Variants in LZTS3 observed in about 807,000 individuals in gnomAD.
The protein encoded by LZTS3 is leucine zipper tumor suppressor family member 3.
A neutral mutation model predicts 50.9 loss-of-function variants in LZTS3; 16 were observed. The observed-to-expected ratio is 0.31, with a 90% confidence interval of 0.21 to 0.48. The LOEUF is 0.48. LZTS3 is among the 20% of genes least tolerant of loss of function. The pLI is 0.99. For synonymous variants in LZTS3, 408 were observed against 410.6 expected (o/e 0.99, Z 0.08); for missense variants, 816 against 931.0 (o/e 0.88, Z 1.61).
chr20:3,167,146 C>T lies in LZTS3; in HGVS notation c.18G>A (p.Thr6=), dbSNP rs774445702. Residue 6 remains threonine (T), a synonymous_variant, in exon 3 of 5, where the codon ACG becomes ACA. Coordinates refer to ENST00000337576, the MANE Select transcript of LZTS3 (RefSeq NM_001365618.1). The part of the protein sequence containing the change: MAKLE[T]LPVRADPGRD... ...GCCCTGGGTCAGCGCGCACAGGCAG[C>T]GTCTCCAGCTTCGCCATGACTAAGC... 18 of 1,484,614 alleles carry T rather than the reference C, an allele frequency of 1.2e-5. No homozygotes were observed. Among genetic ancestry groups the T allele is most frequent in the African/African-American group, 7.0e-5 (5 of 71,628 alleles). 92.0% of individuals were successfully genotyped at this position (1,484,614 alleles called of 1,614,324 possible).
intron 1 of LZTS3, among the ~76,000 whole-genome samples, chr20:3,170,486 C>CAAAAAAAAAAAAAAAAAAAA: frequency 1.4e-5 from 1 of 72,586 alleles, no homozygotes; most frequent in Non-Finnish European, 2.4e-5. Context: ...GAGACTACAT[C>CAAAAAAAAAAAAAAAAAAAA]AAAAAAAAAA....
chr20:3,164,863 C>T lies in LZTS3; in HGVS notation c.1613G>A (p.Ser538Asn). ...CTGACGGCGCATCTTAGCCTCGTCG[C>T]TCTCGCAGGTGGCCAGAGCATCCTG... is the stretch of plus-strand genomic sequence containing the variant. ...EPQDALATCE[S>N]DEAKMRRQAG... Residue 538 changes from serine (S) to asparagine (N), a missense_variant, in exon 5 of 5, where the codon AGC becomes AAC. By Grantham distance (46) the Ser-to-Asn change is conservative. This residue lies in a region of LZTS3 where 700 missense variants were observed against 769.4 expected (regional missense o/e 0.91). Transcript: ENST00000337576. 6.4e-7 allele frequency: 1 copy of T among 1,557,250 alleles called. No individual in the cohort carries two copies. Among genetic ancestry groups the T allele is most frequent in the Non-Finnish European group, 8.6e-7 (1 of 1,157,672 alleles).
chr20:3,167,562 T>C, intron 2 of LZTS3, 176 bp downstream of exon 2: 1 of 1,013,126 alleles, frequency 9.9e-7, no homozygotes, highest in Non-Finnish European at 1.2e-6. Flanking sequence ...AATTTTGGGG[T>C]TCTTTATCTT....
chr20:3,172,802 C>T (rs2066915402), intron 1 of LZTS3, among the ~76,000 whole-genome samples: 1 of 152,270 alleles, frequency 6.6e-6, no homozygotes, highest in South Asian at 2.1e-4. Flanking sequence ...TTCCAGGAAG[C>T]AGGACTGAGG....
chr20:3,172,930 G>A (rs1320278999), intron 1 of LZTS3, among the ~76,000 whole-genome samples: 3 of 152,198 alleles, frequency 2.0e-5, no homozygotes, highest in East Asian at 1.9e-4. Flanking sequence ...CACTGGCAGC[G>A]GAATGGGCCC....
At chr20:3,172,455 C>A (rs1465533940) in intron 1 of LZTS3, among the ~76,000 whole-genome samples, 4 of 152,222 alleles carry the variant, frequency 2.6e-5, no homozygotes, top group African/African-American at 9.7e-5. Flanking sequence ...TCTACCCTGA[C>A]CTGAGCCCCT....
At chr20:3,172,356 G>A (rs1476556303) in intron 1 of LZTS3, among the ~76,000 whole-genome samples, 1 of 152,206 alleles carries the variant, frequency 6.6e-6, no homozygotes, top group African/African-American at 2.4e-5. Context: ...TGTATGATGG[G>A]TGAAATGCCT....
At position 3,167,055 on chromosome 20, in the gene LZTS3, T is replaced by C. The variant is rs931758687; in HGVS notation, c.109A>G (p.Met37Val). The C allele has an allele frequency of 1.3e-6, 2 of 1,566,720 alleles. No individual in the cohort carries two copies. Among genetic ancestry groups the C allele is most frequent in the Admixed American group, 3.5e-5 (2 of 56,976 alleles). ...GCCACCCCACTGCCCACGCTGCCCATGGCCAGGCGGGGGTCCGGGGGTCCA... is the reference window on the plus strand; with the variant it reads ...GCCACCCCACTGCCCACGCTGCCCACGGCCAGGCGGGGGTCCGGGGGTCCA... ...ELGPPDPRLA[M>V]GSVGSGVAHA... Residue 37 changes from methionine (M) to valine (V), a missense_variant, in exon 3 of 5, where the codon ATG becomes GTG. Coordinates refer to ENST00000337576, the MANE Select transcript of LZTS3 (RefSeq NM_001365618.1).
Position 3,167,179 on chromosome 20 carries a change from G to T in LZTS3, c.-16C>A. ...GCTTCGCCATGACTAAGCCAGGGGGGCACTGTGGGCACAGGTGGGAAGGCA... is the reference window on the plus strand; with the variant it reads ...GCTTCGCCATGACTAAGCCAGGGGGTCACTGTGGGCACAGGTGGGAAGGCA... On this transcript the variant is annotated splice_region_variant and 5_prime_UTR_variant, in exon 3 of 5. Coordinates refer to ENST00000337576, the MANE Select transcript of LZTS3 (RefSeq NM_001365618.1). The T allele has an allele frequency of 1.4e-6, 2 of 1,454,262 alleles. No individual in the cohort carries two copies. Among genetic ancestry groups the T allele is most frequent in the Non-Finnish European group, 1.8e-6 (2 of 1,108,394 alleles). 90.1% of individuals were successfully genotyped at this position (1,454,262 alleles called of 1,614,324 possible). A position where few individuals can be genotyped will look rare whatever the true frequency, so the allele number is the denominator to read the frequency against.
chr20:3,166,301 G>A lies in LZTS3; in HGVS notation c.519C>T (p.His173=), dbSNP rs773111799. ...AFKPVVPKNF[H]SMQNLCPPQT... Reference sequence around the variant, plus strand: ...GCGGGGGGCACAAATTCTGCATGGAGTGGAAATTCTTGGGTACGACAGGCT... The same window carrying A: ...GCGGGGGGCACAAATTCTGCATGGAATGGAAATTCTTGGGTACGACAGGCT... Residue 173 remains histidine, a synonymous_variant, in exon 4 of 5, where the codon CAC becomes CAT. Coordinates refer to ENST00000337576, the MANE Select transcript of LZTS3 (RefSeq NM_001365618.1). 6.2e-6 allele frequency: 10 copies of A among 1,614,096 alleles called. No individual in the cohort carries two copies. In the East Asian group the frequency reaches 2.0e-4, roughly 32 times the overall value.
At position 3,165,660 on chromosome 20, in the gene LZTS3, T is replaced by C; in HGVS notation, c.1160A>G (p.Gln387Arg). The change falls in exon 4 of 5, where the codon CAG becomes CGG. Residue 387 changes from glutamine (Q) to arginine (R), a missense_variant. This residue lies in a region of LZTS3 where 700 missense variants were observed against 769.4 expected (regional missense o/e 0.91). Coordinates refer to ENST00000337576, the MANE Select transcript of LZTS3 (RefSeq NM_001365618.1). This position sits in a 1 kb window ranked among gnomAD's most constrained non-coding sequence, Gnocchi z 5.0. ...QVARRAQRAQ[Q>R]GLQLQVLRLQ... The stretch of plus-strand genomic sequence containing the variant: ...CCGCAACACCTGCAGCTGTAGGCCC[T>C]GCTGGGCGCGCTGGGCACGTCGGGC... The C allele has an allele frequency of 6.3e-7, 1 of 1,591,534 alleles. No homozygotes were observed. Among genetic ancestry groups the C allele is most frequent in the Non-Finnish European group, 8.5e-7 (1 of 1,175,990 alleles).
Position 3,166,228 on chromosome 20 carries a change from C to T in LZTS3, c.592G>A (p.Gly198Ser), listed in dbSNP as rs1275374803. Residue 198 changes from glycine to serine, a missense_variant, in exon 4 of 5, where the codon GGC becomes AGC. By Grantham distance (56) the Gly-to-Ser change is moderately conservative. Coordinates refer to ENST00000337576, the MANE Select transcript of LZTS3 (RefSeq NM_001365618.1). ...ATGGTCCGAGACTTGTCCAGTCCGC[C>T]TTTGAGGCCACCAGGGCCCTGCCGT... ...EGRQGPGGLKGGLDKSRTMTP... is the reference protein window; with the variant it reads ...EGRQGPGGLKSGLDKSRTMTP... 2.5e-6 allele frequency: 4 copies of T among 1,613,840 alleles called. No homozygotes were observed. The highest frequency in any genetic ancestry group is 3.4e-6 in the Non-Finnish European group (4 of 1,179,880).
At chr20:3,167,452 C>A (rs2066846899) in intron 2 of LZTS3, 4 of 1,208,904 alleles carry the variant, frequency 3.3e-6, no homozygotes, top group Non-Finnish European at 4.1e-6. Flanking sequence ...CTCAGCTCAG[C>A]TCAGCTCAGC....
chr20:3,165,390 C>T lies in LZTS3; in HGVS notation c.1323+107G>A. On this transcript the variant is annotated intron_variant, in intron 4 of 4. Coordinates refer to ENST00000337576, the MANE Select transcript of LZTS3 (RefSeq NM_001365618.1). This position sits in a 1 kb window ranked among gnomAD's most constrained non-coding sequence, Gnocchi z 5.0. ...TGATTTTTGTCCCCCCTGCTCCTTT[C>T]ATCCCCCCCCCCATCCCACCGTTAT... 8.7e-7 allele frequency: 1 copy of T among 1,143,222 alleles called. No homozygotes were observed. Among genetic ancestry groups the T allele is most frequent in the Non-Finnish European group, 1.2e-6 (1 of 853,720 alleles). The allele number at this position is 1,143,222 out of a possible 1,614,324, so 70.8% of individuals were successfully genotyped here. A position where few individuals can be genotyped will look rare whatever the true frequency, so the allele number is the denominator to read the frequency against.
intron 1 of LZTS3, among the ~76,000 whole-genome samples, chr20:3,170,859 G>C (rs2066895082): frequency 6.6e-6 from 1 of 152,186 alleles, no homozygotes; most frequent in South Asian, 2.1e-4. Context: ...GGCTAGAGGA[G>C]TGCAGAGAAA....
intron 1 of LZTS3, among the ~76,000 whole-genome samples, chr20:3,171,914 T>A (rs2066907361): frequency 6.6e-6 from 1 of 152,192 alleles, no homozygotes; most frequent in African/African-American, 2.4e-5. Flanking sequence ...ATTAGCGTCA[T>A]GAGGGGGCCA....
rs1477673036 is a variant in LZTS3 at position 3,173,468 on chromosome 20, G to T, written c.-256C>A. 1.3e-5 allele frequency: 2 copies of T among 152,008 alleles called. No individual in the cohort carries two copies. Among genetic ancestry groups the T allele is most frequent in the Admixed American group, 6.5e-5 (1 of 15,268 alleles). 9.4% of individuals were successfully genotyped at this position (152,008 alleles called of 1,614,324 possible). A position where few individuals can be genotyped will look rare whatever the true frequency, so the allele number is the denominator to read the frequency against. On this transcript the variant is annotated 5_prime_UTR_variant, in exon 1 of 5. Transcript: ENST00000337576. ...TGCCTCACTTACTCGCTGCCTCAGG[G>T]TCCGGCGCGGGGTCTCCGACACGGG...
In LZTS3 at chr20:3,165,731, C is replaced by T. The variant is rs1371901640; in HGVS notation, c.1089G>A (p.Glu363=). The change falls in exon 4 of 5, where the codon GAG becomes GAA. Residue 363 remains glutamate, a synonymous_variant. Transcript: ENST00000337576. This position sits in a 1 kb window ranked among gnomAD's most constrained non-coding sequence, Gnocchi z 5.0. ...LEERQKAWER[E]LAELRQGCSG... is the part of the protein sequence containing the mutation. ...TGCAGCCCTGCCGCAGCTCGGCCAG[C>T]TCCCGCTCCCACGCCTTCTGCCGCT... The T allele has an allele frequency of 6.3e-7, 1 of 1,575,124 alleles. No individual in the cohort carries two copies. Among genetic ancestry groups the T allele is most frequent in the Non-Finnish European group, 8.6e-7 (1 of 1,168,392 alleles).
At chr20:3,169,360 G>A (rs1280252966) in intron 1 of LZTS3, among the ~76,000 whole-genome samples, 1 of 152,184 alleles carries the variant, frequency 6.6e-6, no homozygotes, top group Non-Finnish European at 1.5e-5. Flanking sequence ...GCTGGGGACT[G>A]GGAGGATGAA....
Sources: allele counts gnomAD v4.1 joint callset (sites outside exome capture counted in the v4.1 genomes callset), GRCh38; gene constraint gnomAD v4.1.1; regional missense constraint gnomAD v4.1.1; non-coding constraint Gnocchi (gnomAD v3.1); transcripts MANE v1.5; gene names NCBI Gene and HGNC (gene_info 2026-07-23, HGNC 2026-07-21).